The following CHLSN variants were observed in gnomAD, a reference collection of about 807,000 sequenced individuals.
CHLSN encodes protein cholesin.
the CHLSN span, among the ~76,000 whole-genome samples, chr7:992,952 G>C: frequency 1.3e-5 from 2 of 152,200 alleles, no homozygotes; most frequent in Non-Finnish European, 2.9e-5. Context: ...AAGTCCTAGG[G>C]TGTCTGAGGT....
the CHLSN span, among the ~76,000 whole-genome samples, chr7:1,008,364 A>G: frequency 2.0e-5 from 3 of 152,214 alleles, no homozygotes; most frequent in African/African-American, 7.2e-5. Flanking sequence ...GAGCAAGCGC[A>G]GGAGGCAGCA....
the CHLSN span, among the ~76,000 whole-genome samples, chr7:1,012,672 C>T: frequency 3.3e-5 from 5 of 152,226 alleles, no homozygotes; most frequent in Non-Finnish European, 1.5e-5. Flanking sequence ...CTGGCCGGTG[C>T]ACCTTTAACT....
chr7:1,068,792 CCT>C, the CHLSN span, among the ~76,000 whole-genome samples: 3 of 152,148 alleles, frequency 2.0e-5, no homozygotes, highest in Non-Finnish European at 1.5e-5. Context: ...CTGAAAAGCC[CCT>C]GAGCTGACTA....
chr7:983,194 C>A, the CHLSN span: 1 of 1,470,480 alleles, frequency 6.8e-7, no homozygotes, highest in Admixed American at 2.3e-5. Flanking sequence ...GGAGTGGAGC[C>A]TCACCAGCCA....
the CHLSN span, chr7:1,127,365 T>G: frequency 6.2e-7 from 1 of 1,607,702 alleles, no homozygotes; most frequent in Non-Finnish European, 8.5e-7. Context: ...CTTCAGGAAC[T>G]TTTCTCTTCT....
At chr7:1,016,185 GC>G in the CHLSN span, among the ~76,000 whole-genome samples, 1 of 46,538 alleles carries the variant, frequency 2.1e-5, no homozygotes, top group South Asian at 5.5e-4. Flanking sequence ...AGCAGCACAC[GC>G]CAGCACACAG....
chr7:1,055,385 T>A, the CHLSN span: 1 of 470,540 alleles, frequency 2.1e-6, no homozygotes. Context: ...AGCGCGCAGG[T>A]CCTCACCAGA....
the CHLSN span, among the ~76,000 whole-genome samples, chr7:996,775 T>TAA: frequency 5.9e-5 from 9 of 152,342 alleles, no homozygotes; most frequent in South Asian, 1.9e-3. Context: ...CTGTGCGGCC[T>TAA]AAGTGTGTTT....
At chr7:1,136,369 A>AATATATATAAATATATAAAC in the CHLSN span, among the ~76,000 whole-genome samples, 1 of 97,432 alleles carries the variant, frequency 1.0e-5, no homozygotes, top group Non-Finnish European at 1.7e-5. Context: ...CATATATATA[A>AATATATATAAATATATAAAC]ATATATATAA....
the CHLSN span, chr7:1,058,358 C>G: frequency 1.3e-6 from 1 of 779,808 alleles, no homozygotes; most frequent in Non-Finnish European, 2.4e-6. Flanking sequence ...AGGATTTCTC[C>G]AAACTCCTGG....
the CHLSN span, among the ~76,000 whole-genome samples, chr7:1,130,888 C>T: frequency 6.6e-6 from 1 of 152,142 alleles, no homozygotes; most frequent in African/African-American, 2.4e-5. Flanking sequence ...AGCCAGATCC[C>T]ACCCCAAAAG....
the CHLSN span, among the ~76,000 whole-genome samples, chr7:1,018,485 C>T: frequency 1.3e-5 from 2 of 151,962 alleles, no homozygotes; most frequent in Non-Finnish European, 2.9e-5. Flanking sequence ...GTGATGGGCA[C>T]ACCCATGGCC....
At chr7:1,021,078 CACCTCCAGGCTGGGG>C in the CHLSN span, among the ~76,000 whole-genome samples, 1 of 146,156 alleles carries the variant, frequency 6.8e-6, no homozygotes, top group Non-Finnish European at 1.5e-5. Flanking sequence ...TTCAGGCAGG[CACCTCCAGGCTGGGG>C]ACCTCGCAGC....
chr7:1,015,719 C>T, the CHLSN span, among the ~76,000 whole-genome samples: 2 of 152,166 alleles, frequency 1.3e-5, no homozygotes, highest in African/African-American at 4.8e-5. Context: ...ACTGAAGCTG[C>T]GGCCTGTGGG....
chr7:1,062,009 T>A, the CHLSN span, among the ~76,000 whole-genome samples: 1 of 152,214 alleles, frequency 6.6e-6, no homozygotes. Flanking sequence ...TCTGCCCAAC[T>A]CCCCAATTCT....
chr7:977,998 A>C, the CHLSN span, among the ~76,000 whole-genome samples: 4 of 152,220 alleles, frequency 2.6e-5, no homozygotes, highest in South Asian at 2.1e-4. Flanking sequence ...CCCAGCAAAG[A>C]AGCGCTCACT....
At chr7:1,070,581 C>A in the CHLSN span, among the ~76,000 whole-genome samples, 3 of 146,040 alleles carry the variant, frequency 2.1e-5, no homozygotes, top group East Asian at 2.0e-4. Flanking sequence ...CAAACACGCA[C>A]ACACGGACAC....
the CHLSN span, among the ~76,000 whole-genome samples, chr7:1,136,341 C>CAT: frequency 5.1e-5 from 4 of 78,272 alleles, no homozygotes; most frequent in Non-Finnish European, 6.3e-5. Context: ...AATATATAAA[C>CAT]ATATAAATAT....
At chr7:988,793 C>CA in the CHLSN span, 1 of 1,592,468 alleles carries the variant, frequency 6.3e-7, no homozygotes. Context: ...GCCGAGGGCC[C>CA]AGGCCCTGTG....
Sources: gnomAD v4.1 joint callset for allele counts (sites outside exome capture counted in the v4.1 genomes callset) on GRCh38, gnomAD v4.1.1 for gene constraint, MANE v1.5 for transcripts, NCBI Gene and HGNC (gene_info 2026-07-23, HGNC 2026-07-21) for gene names.